The following DLG2 variants were observed in gnomAD, a reference collection of about 807,000 sequenced individuals.
DLG2 encodes discs large MAGUK scaffold protein 2.
A neutral mutation model predicts 132.5 loss-of-function variants in DLG2; 45 were observed. The observed-to-expected ratio is 0.34, with a 90% confidence interval of 0.27 to 0.44. DLG2 has a LOEUF of 0.44. DLG2 is among the 20% of genes least tolerant of loss of function. The pLI, the probability that DLG2 is intolerant of heterozygous loss-of-function variation, is 1.00. For synonymous variants in DLG2, 424 were observed against 419.6 expected, an observed-to-expected ratio of 1.01 and a Z score of -0.13; for missense variants, 1,045 against 1,196.9, an observed-to-expected ratio of 0.87 and a Z score of 1.87.
At chr11:83,997,730 CAAAAAAAAAAAAAAAAAAAAAAAAA>C (rs71066079) in intron 11 of DLG2, among the ~76,000 whole-genome samples, 1 of 24,774 alleles carries the variant, frequency 4.0e-5, no homozygotes, top group Non-Finnish European at 6.9e-5. Context: ...GACTCCATCT[CAAAAAAAAAAAAAAAAAAAAAAAAA>C]AAAAAAAAAA....
chr11:84,874,045 A>C (rs2085923058), intron 6 of DLG2, among the ~76,000 whole-genome samples: 1 of 152,180 alleles, frequency 6.6e-6, no homozygotes, highest in African/African-American at 2.4e-5. Context: ...GGGGAAACTA[A>C]ACCCTCACAT....
intron 3 of DLG2, among the ~76,000 whole-genome samples, chr11:85,551,010 A>G (rs564541984): frequency 2.0e-4 from 31 of 152,360 alleles, no homozygotes; most frequent in South Asian, 2.1e-4. Context: ...AATATTGCTC[A>G]AAATCTTCAG....
At chr11:84,259,471 A>G (rs1474018842) in intron 7 of DLG2, among the ~76,000 whole-genome samples, 1 of 152,048 alleles carries the variant, frequency 6.6e-6, no homozygotes, top group Non-Finnish European at 1.5e-5. Context: ...CCCCTGCTCT[A>G]CGGAGACATA....
intron 4 of DLG2, among the ~76,000 whole-genome samples, chr11:85,236,133 A>G (rs2075574605): frequency 1.3e-5 from 2 of 151,982 alleles, no homozygotes; most frequent in South Asian, 4.1e-4. Context: ...AACTATAAGG[A>G]AGATTATTAA....
chr11:85,540,035 A>G (rs941951953), intron 3 of DLG2, among the ~76,000 whole-genome samples: 28 of 152,158 alleles, frequency 1.8e-4, no homozygotes, highest in African/African-American at 6.5e-4. Flanking sequence ...CCACCTTTCA[A>G]AGTGCTACAA....
chr11:83,709,269 A>G (rs1316397949), intron 18 of DLG2, among the ~76,000 whole-genome samples: 1 of 149,208 alleles, frequency 6.7e-6, no homozygotes, highest in Non-Finnish European at 1.5e-5. Flanking sequence ...GTATATATGT[A>G]TGTATATATA....
chr11:84,936,518 A>C (rs1159571360), intron 6 of DLG2, among the ~76,000 whole-genome samples: 1 of 152,144 alleles, frequency 6.6e-6, no homozygotes, highest in African/African-American at 2.4e-5. Flanking sequence ...TTTTAAATAT[A>C]ATGTATATTT....
intron 7 of DLG2, among the ~76,000 whole-genome samples, chr11:84,324,404 A>G (rs2098420675): frequency 6.6e-6 from 1 of 152,018 alleles, no homozygotes; most frequent in Non-Finnish European, 1.5e-5. Flanking sequence ...CTGTTTCATT[A>G]ATTTGTATGT....
chr11:85,078,222 G>A (rs2066798024), intron 6 of DLG2, among the ~76,000 whole-genome samples: 1 of 149,414 alleles, frequency 6.7e-6, no homozygotes. Flanking sequence ...AGTGATAAGT[G>A]CAATGGAGAA....
chr11:85,581,602 G>A (rs1449656496), intron 3 of DLG2, among the ~76,000 whole-genome samples: 1 of 152,152 alleles, frequency 6.6e-6, no homozygotes, highest in East Asian at 1.9e-4. Context: ...TGGTGACAGA[G>A]TGAGACTCCG....
chr11:83,524,018 C>T (rs1452991603), intron 21 of DLG2, among the ~76,000 whole-genome samples: 1 of 152,084 alleles, frequency 6.6e-6, no homozygotes, highest in African/African-American at 2.4e-5. Flanking sequence ...GATTTGGAAT[C>T]TAAAGAAAAG....
intron 10 of DLG2, among the ~76,000 whole-genome samples, chr11:84,072,955 TG>T (rs2096778528): frequency 6.6e-6 from 1 of 152,188 alleles, no homozygotes; most frequent in African/African-American, 2.4e-5. Flanking sequence ...GCTGATGGAT[TG>T]TATGTGGGTA....
chr11:85,271,492 AC>A (rs1442340513), intron 4 of DLG2, among the ~76,000 whole-genome samples: 3 of 152,132 alleles, frequency 2.0e-5, no homozygotes, highest in African/African-American at 7.2e-5. Flanking sequence ...TGTCCTCCAG[AC>A]CCCAGAATGG....
chr11:84,530,579 C>T (rs1398814807), intron 7 of DLG2, among the ~76,000 whole-genome samples: 4 of 152,192 alleles, frequency 2.6e-5, no homozygotes, highest in East Asian at 3.9e-4. Context: ...AAAGAGATAC[C>T]GTCTTACACC....
chr11:83,657,762 A>G (rs370168819), intron 18 of DLG2, among the ~76,000 whole-genome samples: 2,712 of 151,976 alleles, frequency 0.018, 29 homozygotes, highest in African/African-American at 0.025. Flanking sequence ...GGATGGTCTC[A>G]ATCTCCTGAC....
chr11:85,487,639 A>C (rs1271574987), intron 3 of DLG2, among the ~76,000 whole-genome samples: 2 of 152,122 alleles, frequency 1.3e-5, no homozygotes, highest in Non-Finnish European at 2.9e-5. Flanking sequence ...AAATTTTTAA[A>C]AAAATAAGAA....
intron 11 of DLG2, among the ~76,000 whole-genome samples, chr11:84,009,668 T>C (rs1234303283): frequency 6.6e-6 from 1 of 152,034 alleles, no homozygotes; most frequent in East Asian, 1.9e-4. Flanking sequence ...TGCTGTGCAG[T>C]GTGGAGTTTT....
intron 6 of DLG2, among the ~76,000 whole-genome samples, chr11:84,878,525 G>T (rs971740835): frequency 2.0e-5 from 3 of 152,214 alleles, no homozygotes; most frequent in South Asian, 4.2e-4. Flanking sequence ...ATGGACACAG[G>T]GAGGGGGACA....
chr11:83,911,463 G>GT (rs1228793205), intron 15 of DLG2, among the ~76,000 whole-genome samples: 3 of 151,034 alleles, frequency 2.0e-5, no homozygotes, highest in South Asian at 2.1e-4. Context: ...ATGAACTAAG[G>GT]TTTTTTTTTC....
Sources: allele counts gnomAD v4.1 joint callset (sites outside exome capture counted in the v4.1 genomes callset), GRCh38; gene constraint gnomAD v4.1.1; transcripts MANE v1.5; gene names NCBI Gene and HGNC (gene_info 2026-07-23, HGNC 2026-07-21).